Variants in EPHA3 observed in about 807,000 individuals in gnomAD.
EPHA3 encodes the protein ephrin type-A receptor 3.
Under a neutral mutation model 107.1 loss-of-function variants are expected in EPHA3, and 42 were observed. The observed-to-expected ratio is 0.39, with a 90% confidence interval of 0.31 to 0.51. The LOEUF is 0.51. Ranked by LOEUF, EPHA3 falls within the 20% of genes least tolerant of loss-of-function variation. The pLI is 0.78. For missense variants in EPHA3, 1,183 were observed against 1,211.2 expected (o/e 0.98, Z 0.35); for synonymous variants, 461 against 424.8 (o/e 1.09, Z -1.05).
At chr3:89,427,955 C>A (rs1709491653) in intron 11 of EPHA3, among the ~76,000 whole-genome samples, 2 of 151,710 alleles carry the variant, frequency 1.3e-5, no homozygotes, top group African/African-American at 4.8e-5. Context: ...TTAATTGTTA[C>A]CATAATGTAT....
Position 89,450,243 on chromosome 3 carries a change from C to T in EPHA3, c.2563C>T (p.Gln855Ter), listed in dbSNP as rs2107555061. The change falls in exon 15 of 17, where the codon CAG becomes TAG. Residue 855 changes from glutamine (Q) to a stop codon, truncating the protein, a stop_gained. Transcript: ENST00000336596. LOFTEE classifies it high-confidence loss of function. ...CATGGACTGCCCAGCTGCCTTGTAT[C>T]AGCTGATGCTGGACTGCTGGCAGAA... Reference protein sequence around the residue: ...PPMDCPAALYQLMLDCWQKDR... With the variant: ...PPMDCPAALY The T allele has an allele frequency of 1.2e-6, 2 of 1,613,828 alleles. No individual in the cohort carries two copies. Among genetic ancestry groups the T allele is most frequent in the Non-Finnish European group, 1.7e-6 (2 of 1,179,868 alleles).
intron 5 of EPHA3, among the ~76,000 whole-genome samples, chr3:89,345,568 T>C (rs1365458997): frequency 6.6e-6 from 1 of 151,022 alleles, no homozygotes; most frequent in Non-Finnish European, 1.5e-5. Flanking sequence ...CTTGCAGATA[T>C]TATGACCTTT....
rs1413254917 is a variant in EPHA3 at position 89,358,120 on chromosome 3, AAC to A, written c.1306+16032_1306+16033del. Among the ~76,000 whole-genome samples the A allele has an allele frequency of 4.6e-5, 7 of 151,192 alleles. No homozygotes were observed. In the East Asian group the frequency reaches 1.2e-3, roughly 25 times the overall value. ...AAGTTATAGAAAGTATATGGAGTCT[AAC>A]AGATATGAAAGAAGAGAGACTTTTT... On this transcript the variant is annotated intron_variant, in intron 5 of 16. Coordinates refer to ENST00000336596, the MANE Select transcript of EPHA3 (RefSeq NM_005233.6).
chr3:89,284,123 A>T (rs1220018268), intron 3 of EPHA3, among the ~76,000 whole-genome samples: 1 of 152,172 alleles, frequency 6.6e-6, no homozygotes, highest in Non-Finnish European at 1.5e-5. Flanking sequence ...TTAGATTTAT[A>T]TCTAAAGCCC....
At chr3:89,165,624 T>G (rs1380031845) in intron 2 of EPHA3, among the ~76,000 whole-genome samples, 2 of 152,202 alleles carry the variant, frequency 1.3e-5, no homozygotes, top group Non-Finnish European at 2.9e-5. Flanking sequence ...ATTTTTAATG[T>G]TATTACCTTC....
intron 2 of EPHA3, among the ~76,000 whole-genome samples, chr3:89,170,360 A>G (rs1344040895): frequency 6.6e-6 from 1 of 152,084 alleles, no homozygotes; most frequent in East Asian, 1.9e-4. Flanking sequence ...AATCTGTGAG[A>G]TAGCTTTTAT....
rs1275959084 is a variant in EPHA3 at position 89,346,758 on chromosome 3, G to A, written c.1306+4668G>A. On this transcript the variant is annotated intron_variant, in intron 5 of 16. Coordinates refer to ENST00000336596, the MANE Select transcript of EPHA3 (RefSeq NM_005233.6). Reference sequence around the variant, plus strand: ...GGGTTTTTATGGTTTTAGGTCTAACGTTTAAGTCTTTAATCCATCTTGAAT... The same window carrying A: ...GGGTTTTTATGGTTTTAGGTCTAACATTTAAGTCTTTAATCCATCTTGAAT... 1.4e-4 allele frequency among the ~76,000 whole-genome samples: 21 copies of A among 147,632 alleles called. 1 individual carries two copies. Among genetic ancestry groups the A allele is most frequent in the Admixed American group, 1.1e-3 (16 of 14,720 alleles).
intron 5 of EPHA3, among the ~76,000 whole-genome samples, chr3:89,394,193 T>C (rs1460797710): frequency 6.6e-6 from 1 of 152,122 alleles, no homozygotes; most frequent in Non-Finnish European, 1.5e-5. Context: ...GGAGAATCAC[T>C]TGAGCCCAGG....
intron 3 of EPHA3, among the ~76,000 whole-genome samples, chr3:89,213,261 C>A (rs1704149184): frequency 6.6e-6 from 1 of 151,910 alleles, no homozygotes; most frequent in African/African-American, 2.4e-5. Flanking sequence ...CCAGAAATGT[C>A]TTTTCTTAGA....
In EPHA3 at chr3:89,219,688, GTTTTTTTTTT is replaced by G. The variant is rs1553666928; in HGVS notation, c.814+9173_814+9182del. On this transcript the variant is annotated intron_variant, in intron 3 of 16. Transcript: ENST00000336596. ...TTACCTCCAAGAGGCATTTGGCAATGTTTTTTTTTTTTTTGTTTTTTGTTTTTTTTTTTTT... is the reference window on the plus strand; with the variant it reads ...TTACCTCCAAGAGGCATTTGGCAATGTTTTGTTTTTTGTTTTTTTTTTTTT... Among the ~76,000 whole-genome samples the G allele has an allele frequency of 5.8e-5, 2 of 34,440 alleles. 1 individual carries two copies. Among genetic ancestry groups the G allele is most frequent in the Non-Finnish European group, 1.0e-4 (2 of 19,128 alleles). The allele number at this position is 34,440 out of a possible 152,430, so 22.6% of individuals were successfully genotyped here. A position where few individuals can be genotyped will look rare whatever the true frequency, so the allele number is the denominator to read the frequency against.
In EPHA3 at chr3:89,413,178, T is replaced by C; in HGVS notation, c.1800T>C (p.His600=). The change falls in exon 10 of 17, where the codon CAT becomes CAC. Residue 600 remains histidine (H), a synonymous_variant. Coordinates refer to ENST00000336596, the MANE Select transcript of EPHA3 (RefSeq NM_005233.6). ...GTCTCAGGACTTATGTTGACCCACA[T>C]ACATATGAAGACCCTACCCAAGCTG... The part of the protein sequence containing the change: ...LPGLRTYVDP[H]TYEDPTQAVH... 1 of 1,611,732 alleles carries C rather than the reference T, an allele frequency of 6.2e-7. No individual in the cohort carries two copies. Among genetic ancestry groups the C allele is most frequent in the Non-Finnish European group, 8.5e-7 (1 of 1,178,364 alleles).
chr3:89,134,389 C>T (rs1240248149), intron 2 of EPHA3, among the ~76,000 whole-genome samples: 2 of 151,706 alleles, frequency 1.3e-5, no homozygotes, highest in African/African-American at 2.4e-5. Flanking sequence ...CACAACAGGC[C>T]CTGGTGTGTG....
chr3:89,196,429 G>A (rs1480014807), intron 2 of EPHA3, among the ~76,000 whole-genome samples: 1 of 111,832 alleles, frequency 8.9e-6, no homozygotes, highest in Non-Finnish European at 1.9e-5. Context: ...GAGATTTCAA[G>A]TCATAGATTT....
intron 3 of EPHA3, among the ~76,000 whole-genome samples, chr3:89,321,871 C>A (rs1707051636): frequency 6.6e-6 from 1 of 152,028 alleles, no homozygotes; most frequent in South Asian, 2.1e-4. Flanking sequence ...CAAAACTGAG[C>A]TGCTGCTTCT....
intron 3 of EPHA3, among the ~76,000 whole-genome samples, chr3:89,238,200 G>A (rs1325055869): frequency 1.3e-5 from 2 of 152,070 alleles, no homozygotes; most frequent in Non-Finnish European, 2.9e-5. Context: ...ATTAAGAAAA[G>A]TATATTTTTA....
At chr3:89,231,277 A>G (rs1053804601) in intron 3 of EPHA3, among the ~76,000 whole-genome samples, 3 of 152,134 alleles carry the variant, frequency 2.0e-5, no homozygotes, top group Non-Finnish European at 2.9e-5. Context: ...ACCAAACTCA[A>G]TTAATGATCA....
At chr3:89,433,304 T>A (rs1709604811) in intron 13 of EPHA3, among the ~76,000 whole-genome samples, 1 of 148,402 alleles carries the variant, frequency 6.7e-6, no homozygotes, top group East Asian at 2.0e-4. Context: ...TATTCCCGAT[T>A]AAAAAAAAAA....
intron 3 of EPHA3, among the ~76,000 whole-genome samples, chr3:89,329,643 A>G (rs553647539): frequency 1.3e-5 from 2 of 152,266 alleles, no homozygotes; most frequent in Admixed American, 6.5e-5. Context: ...AGCATAACAT[A>G]GTGAAGAAAA....
chr3:89,279,203 A>G (rs1705883150), intron 3 of EPHA3, among the ~76,000 whole-genome samples: 1 of 152,134 alleles, frequency 6.6e-6, no homozygotes, highest in African/African-American at 2.4e-5. Flanking sequence ...TTTAATTAAC[A>G]TACATACACA....
Sources: gnomAD v4.1 joint callset for allele counts (sites outside exome capture counted in the v4.1 genomes callset) on GRCh38, gnomAD v4.1.1 for gene constraint, MANE v1.5 for transcripts, NCBI Gene and HGNC (gene_info 2026-07-23, HGNC 2026-07-21) for gene names.